GRM5: variants seen among roughly 807,000 people sequenced by gnomAD.
GRM5 encodes metabotropic glutamate receptor 5.
Under a neutral mutation model 83.1 loss-of-function variants are expected in GRM5, and 19 were observed. The ratio of observed to expected loss-of-function variants is 0.23; its 90% CI spans 0.16 to 0.34. The LOEUF (loss-of-function observed/expected upper bound fraction) is 0.34. GRM5 is among the 10% of genes least tolerant of loss of function. GRM5 has a pLI of 1.00. For synonymous variants in GRM5, 675 were observed against 633.6 expected (o/e 1.07, Z -0.98); for missense variants, 1,160 against 1,588.3 (o/e 0.73, Z 4.58).
intron 2 of GRM5, among the ~76,000 whole-genome samples, chr11:88,944,013 T>A (rs1164297675): frequency 2.0e-5 from 3 of 151,942 alleles, no homozygotes; most frequent in African/African-American, 7.2e-5. Context: ...GCTTGGCACT[T>A]TAATAGTGTT....
At chr11:88,879,285 G>A (rs1227439468) in intron 2 of GRM5, among the ~76,000 whole-genome samples, 1 of 151,884 alleles carries the variant, frequency 6.6e-6, no homozygotes, top group Non-Finnish European at 1.5e-5. Flanking sequence ...GAAGTATCTG[G>A]TAATCACAGA....
chr11:88,671,796 C>T (rs1940200469), intron 3 of GRM5, among the ~76,000 whole-genome samples: 4 of 152,018 alleles, frequency 2.6e-5, no homozygotes, highest in Admixed American at 6.6e-5. Context: ...CAAGCTGGAA[C>T]GTTGGGACCT....
intron 8 of GRM5, among the ~76,000 whole-genome samples, chr11:88,553,423 TG>T (rs1942556726): frequency 6.6e-6 from 1 of 152,168 alleles, no homozygotes; most frequent in Admixed American, 6.5e-5. Flanking sequence ...TTTCCTCTGA[TG>T]TTCCTTCTGT....
intron 1 of GRM5, 137 bp from the exon 2 acceptor site, chr11:89,048,209 A>G: frequency 4.2e-6 from 1 of 239,462 alleles, no homozygotes; most frequent in South Asian, 6.4e-5. Context: ...AACGTTTCTG[A>G]CTTTCCTTTG....
intron 2 of GRM5, among the ~76,000 whole-genome samples, chr11:88,927,739 T>TTAAG (rs1160758314): frequency 2.6e-5 from 4 of 152,230 alleles, no homozygotes; most frequent in Non-Finnish European, 5.9e-5. Flanking sequence ...AGGAAGGATT[T>TTAAG]TAAGTTTCTA....
At chr11:88,541,541 T>A (rs764208565) in intron 8 of GRM5, among the ~76,000 whole-genome samples, 2 of 152,212 alleles carry the variant, frequency 1.3e-5, no homozygotes, top group Admixed American at 6.5e-5. Context: ...TTGTCTAACT[T>A]GACTGGGCTT....
chr11:88,592,083 G>T (rs1039058986), intron 6 of GRM5, among the ~76,000 whole-genome samples: 4 of 152,180 alleles, frequency 2.6e-5, no homozygotes, highest in African/African-American at 9.7e-5. Context: ...CTTACTGGAA[G>T]ATAGACTGCG....
chr11:88,515,994 C>T lies in GRM5; in HGVS notation c.2727-6490G>A, dbSNP rs559895355. Among the ~76,000 whole-genome samples the T allele has an allele frequency of 7.9e-5, 12 of 152,226 alleles. No homozygotes were observed. In the East Asian group the frequency reaches 2.3e-3, roughly 29 times the overall value. ...TTTTCACCTATGGCATCATATTTTA[C>T]CTTCATAACAGCTGTCTAGGATAGG... is the stretch of plus-strand genomic sequence containing the variant. On this transcript the variant is annotated intron_variant, in intron 9 of 9. Coordinates refer to ENST00000305447, the MANE Select transcript of GRM5 (RefSeq NM_001143831.3).
intron 4 of GRM5, among the ~76,000 whole-genome samples, chr11:88,625,432 A>T (rs1938766102): frequency 1.3e-5 from 2 of 152,128 alleles, no homozygotes; most frequent in Admixed American, 1.3e-4. Context: ...TACAAAGAGT[A>T]ATTTTTTCTA....
intron 1 of GRM5, among the ~76,000 whole-genome samples, chr11:89,050,743 G>A (rs1941740314): frequency 1.3e-5 from 2 of 152,164 alleles, no homozygotes; most frequent in Admixed American, 1.3e-4. Flanking sequence ...TAAAGAAAAT[G>A]TGGTACATAT....
chr11:88,991,791 G>T (rs904913829), intron 2 of GRM5, among the ~76,000 whole-genome samples: 7 of 151,978 alleles, frequency 4.6e-5, no homozygotes, highest in Non-Finnish European at 7.4e-5. Flanking sequence ...AAATGGTGCT[G>T]GGAAAACTGG....
At chr11:88,808,827 G>A (rs753726598) in intron 3 of GRM5, among the ~76,000 whole-genome samples, 4 of 151,870 alleles carry the variant, frequency 2.6e-5, no homozygotes, top group Non-Finnish European at 5.9e-5. Flanking sequence ...AATGTACCTC[G>A]AAATATGATC....
At chr11:88,756,778 A>G (rs1459048175) in intron 3 of GRM5, among the ~76,000 whole-genome samples, 1 of 152,162 alleles carries the variant, frequency 6.6e-6, no homozygotes, top group East Asian at 1.9e-4. Flanking sequence ...GAGTAAAAAG[A>G]TAAGGGACCT....
At chr11:88,630,251 G>A (rs1565161651) in intron 4 of GRM5, among the ~76,000 whole-genome samples, 1 of 151,810 alleles carries the variant, frequency 6.6e-6, no homozygotes, top group African/African-American at 2.4e-5. Context: ...GTTTTACTCT[G>A]TCTCCCCTAA....
chr11:88,978,460 A>T (rs1939408707), intron 2 of GRM5, among the ~76,000 whole-genome samples: 1 of 146,686 alleles, frequency 6.8e-6, no homozygotes, highest in African/African-American at 2.5e-5. Context: ...AACATTAACA[A>T]CAGCAGATGA....
At chr11:88,799,695 C>A (rs1471579695) in intron 3 of GRM5, among the ~76,000 whole-genome samples, 1 of 152,068 alleles carries the variant, frequency 6.6e-6, no homozygotes, top group Admixed American at 6.6e-5. Context: ...CCCCCAGTCT[C>A]GAGTTTCCCT....
chr11:88,659,722 A>C (rs1421364448), intron 3 of GRM5, among the ~76,000 whole-genome samples: 1 of 152,208 alleles, frequency 6.6e-6, no homozygotes, highest in Non-Finnish European at 1.5e-5. Context: ...AGAATGTGAA[A>C]CCTCCTGAGT....
chr11:88,681,720 A>T (rs1418398590), intron 3 of GRM5, among the ~76,000 whole-genome samples: 2 of 150,746 alleles, frequency 1.3e-5, no homozygotes, highest in East Asian at 3.9e-4. Context: ...ACAGGTGCCC[A>T]TCACCACATC....
chr11:88,579,073 TAA>T (rs1349701168), intron 7 of GRM5, among the ~76,000 whole-genome samples: 3 of 152,160 alleles, frequency 2.0e-5, no homozygotes, highest in African/African-American at 7.2e-5. Flanking sequence ...CAATTTTCTG[TAA>T]AATGGAAATC....
Sources: gnomAD v4.1 joint callset for allele counts (sites outside exome capture counted in the v4.1 genomes callset) on GRCh38, gnomAD v4.1.1 for gene constraint, MANE v1.5 for transcripts, NCBI Gene and HGNC (gene_info 2026-07-23, HGNC 2026-07-21) for gene names.